The following JAKMIP1 variants were observed in gnomAD, a reference collection of about 807,000 sequenced individuals.
JAKMIP1 encodes janus kinase and microtubule interacting protein 1.
Under a neutral mutation model 113.0 loss-of-function variants are expected in JAKMIP1, and 33 were observed. The observed-to-expected ratio is 0.29, with a 90% CI of 0.22 to 0.39. The LOEUF (loss-of-function observed/expected upper bound fraction) is 0.39, where lower values mean the gene tolerates loss of function less well. Among genes scored for constraint, JAKMIP1 ranks in the 10% least tolerant of loss-of-function variants. JAKMIP1 has a pLI of 1.00. For missense variants in JAKMIP1, 813 were observed against 1,080.5 expected (o/e 0.75, Z 3.47); for synonymous variants, 480 against 459.9 (o/e 1.04, Z -0.56).
rs1008352789 is a variant in JAKMIP1, at chr4:6,181,292, G to A, written c.-148+18961C>T. On this transcript the variant is annotated intron_variant, in intron 1 of 20. Coordinates refer to ENST00000409021, the MANE Select transcript of JAKMIP1 (RefSeq NM_001099433.2). The surrounding 1 kb of genome is among the most constrained non-coding windows in gnomAD (Gnocchi z 5.4). Reference sequence around the variant, plus strand: ...AAGCAGTTCCAGAAAGGGTGGAGGGGAGGGTCATGCTGAGAGAGGAAGAGA... The same window carrying A: ...AAGCAGTTCCAGAAAGGGTGGAGGGAAGGGTCATGCTGAGAGAGGAAGAGA... Among the ~76,000 whole-genome samples the A allele has an allele frequency of 1.3e-5, 2 of 152,212 alleles. No homozygotes were observed. Among genetic ancestry groups the A allele is most frequent in the Non-Finnish European group, 2.9e-5 (2 of 68,038 alleles).
At chr4:6,170,685 TG>T (rs1338577238) in intron 1 of JAKMIP1, among the ~76,000 whole-genome samples, 6 of 144,708 alleles carry the variant, frequency 4.1e-5, no homozygotes, top group African/African-American at 1.6e-4. Flanking sequence ...TCACCTCCAC[TG>T]TCACCCTCCT....
chr4:6,062,136 G>C (rs979975677), intron 10 of JAKMIP1, among the ~76,000 whole-genome samples, 176 bp downstream of exon 10: 1 of 152,228 alleles, frequency 6.6e-6, no homozygotes, highest in African/African-American at 2.4e-5. Flanking sequence ...CCATCACACC[G>C]AGGATGCAGA....
intron 10 of JAKMIP1, among the ~76,000 whole-genome samples, 172 bp downstream of exon 10, chr4:6,062,140 A>T (rs73196073): frequency 6.6e-6 from 1 of 152,382 alleles, no homozygotes; most frequent in Non-Finnish European, 1.5e-5. Flanking sequence ...CACACCGAGG[A>T]TGCAGAGAGG....
intron 13 of JAKMIP1, chr4:6,053,681 G>A: frequency 2.9e-6 from 2 of 693,284 alleles, no homozygotes; most frequent in Non-Finnish European, 3.7e-6. Context: ...TGGGTGTGCA[G>A]AATGCGTACC....
At chr4:6,175,469 C>A (rs1216634326) in intron 1 of JAKMIP1, among the ~76,000 whole-genome samples, 1 of 152,240 alleles carries the variant, frequency 6.6e-6, no homozygotes, top group African/African-American at 2.4e-5. Context: ...ATTTTGTAGA[C>A]AATTTTCAAA....
At chr4:6,126,372 C>CACAAACACACACCATGCAGAAACACTCA (rs1717619492) in intron 1 of JAKMIP1, among the ~76,000 whole-genome samples, 1 of 18,376 alleles carries the variant, frequency 5.4e-5, no homozygotes, top group South Asian at 9.2e-4. Flanking sequence ...CACACACATG[C>CACAAACACACACCATGCAGAAACACTCA]ACAAACACAC....
Position 6,189,891 on chromosome 4 carries a change from G to A in JAKMIP1, c.-148+10362C>T, listed in dbSNP as rs150478356. 5.2e-3 allele frequency among the ~76,000 whole-genome samples: 795 copies of A among 152,110 alleles called. 9 individuals carry two copies. The highest frequency in any genetic ancestry group is 0.018 in the African/African-American group (747 of 41,382). ...AGGCCTGGCTCAGTCGAGAGCAGCC[G>A]GGGGACTGTGTAGCTAGACACAGGC... On this transcript the variant is annotated intron_variant, in intron 1 of 20. Coordinates refer to ENST00000409021, the MANE Select transcript of JAKMIP1 (RefSeq NM_001099433.2).
At chr4:6,100,581 T>C (rs1712837588) in intron 3 of JAKMIP1, among the ~76,000 whole-genome samples, 1 of 152,230 alleles carries the variant, frequency 6.6e-6, no homozygotes, top group Non-Finnish European at 1.5e-5. Context: ...TCATTTCTCT[T>C]GGGTAGATAC....
In JAKMIP1 at chr4:6,044,172, G is replaced by A. The variant is rs773091315; in HGVS notation, c.2029-1945C>T. ...TCAGTCATCTTGTGAATGCCGGGTC[G>A]TAGCACTCACCTGACAGCGCTGTTG... On this transcript the variant is annotated intron_variant, in intron 16 of 20. Coordinates refer to ENST00000409021, the MANE Select transcript of JAKMIP1 (RefSeq NM_001099433.2). This position sits in a 1 kb window ranked among gnomAD's most constrained non-coding sequence, Gnocchi z 4.4. Among the ~76,000 whole-genome samples, 5 of 134,998 alleles carry A rather than the reference G, an allele frequency of 3.7e-5. No homozygotes were observed. The highest frequency in any genetic ancestry group is 7.4e-5 in the African/African-American group (2 of 26,942). The allele number at this position is 134,998 out of a possible 152,430, so 88.6% of individuals were successfully genotyped here.
intron 1 of JAKMIP1, among the ~76,000 whole-genome samples, chr4:6,152,727 A>T (rs1207096280): frequency 6.6e-6 from 1 of 150,976 alleles, no homozygotes; most frequent in Non-Finnish European, 1.5e-5. Flanking sequence ...GGATCACCTG[A>T]GGTCAGGAGT....
rs1039434536 is a variant in JAKMIP1 at position 6,168,081 on chromosome 4, G to A, written c.-148+32172C>T. On this transcript the variant is annotated intron_variant, in intron 1 of 20. Coordinates refer to ENST00000409021, the MANE Select transcript of JAKMIP1 (RefSeq NM_001099433.2). This position sits in a 1 kb window ranked among gnomAD's most constrained non-coding sequence, Gnocchi z 4.6. Reference sequence around the variant, plus strand: ...CCTCAGGGTAATACCAATCAAAACCGCAGTGAGACGGCACCACACACCACC... The same window carrying A: ...CCTCAGGGTAATACCAATCAAAACCACAGTGAGACGGCACCACACACCACC... 6.6e-6 allele frequency among the ~76,000 whole-genome samples: 1 copy of A among 152,146 alleles called. No homozygotes were observed. The highest frequency in any genetic ancestry group is 1.5e-5 in the Non-Finnish European group (1 of 68,022).
At chr4:6,078,891 T>C (rs754413082) in intron 8 of JAKMIP1, 48 bp downstream of exon 8, 8 of 1,601,924 alleles carry the variant, frequency 5.0e-6, no homozygotes, top group Non-Finnish European at 6.0e-6. Flanking sequence ...GCCCTGCAGA[T>C]CCGTGACACA....
At position 6,193,286 on chromosome 4, in the gene JAKMIP1, C is replaced by G. The variant is rs778860853; in HGVS notation, c.-148+6967G>C. Among the ~76,000 whole-genome samples the G allele has an allele frequency of 1.3e-4, 20 of 152,192 alleles. No individual in the cohort carries two copies. The highest frequency in any genetic ancestry group is 2.4e-4 in the Non-Finnish European group (16 of 68,034). On this transcript the variant is annotated intron_variant, in intron 1 of 20. Coordinates refer to ENST00000409021, the MANE Select transcript of JAKMIP1 (RefSeq NM_001099433.2). This position sits in a 1 kb window ranked among gnomAD's most constrained non-coding sequence, Gnocchi z 6.4. ...TCTGTACTTTTGAGGTTTTGGGATT[C>G]AGACTGATCCGCCACTGGTTTCTTT...
At position 6,106,945 on chromosome 4, in the gene JAKMIP1, T is replaced by C. The variant is rs1714058839; in HGVS notation, c.130-978A>G. Among the ~76,000 whole-genome samples, 1 of 152,190 alleles carries C rather than the reference T, an allele frequency of 6.6e-6. No homozygotes were observed. Among genetic ancestry groups the C allele is most frequent in the Non-Finnish European group, 1.5e-5 (1 of 68,034 alleles). On this transcript the variant is annotated intron_variant, in intron 2 of 20. Coordinates refer to ENST00000409021, the MANE Select transcript of JAKMIP1 (RefSeq NM_001099433.2). This position sits in a 1 kb window ranked among gnomAD's most constrained non-coding sequence, Gnocchi z 5.9. Reference sequence around the variant, plus strand: ...CCACACTGTTGATAGCATAGTCACATGTTAAAATTAATTTTAGGTGAGAAG... The same window carrying C: ...CCACACTGTTGATAGCATAGTCACACGTTAAAATTAATTTTAGGTGAGAAG...
intron 13 of JAKMIP1, among the ~76,000 whole-genome samples, chr4:6,052,561 A>T (rs1715789991): frequency 6.8e-6 from 1 of 146,966 alleles, no homozygotes; most frequent in African/African-American, 2.6e-5. Context: ...CCGGAGAATC[A>T]CTCACACTCG....
chr4:6,045,049 G>A (rs549722674), intron 16 of JAKMIP1, among the ~76,000 whole-genome samples: 275 of 152,358 alleles, frequency 1.8e-3, no homozygotes, highest in African/African-American at 5.9e-3. Flanking sequence ...GCCTCCCAGG[G>A]CCCCTCAGGT....
intron 20 of JAKMIP1, among the ~76,000 whole-genome samples, chr4:6,029,505 AT>A (rs1156494047): frequency 6.6e-6 from 1 of 152,180 alleles, no homozygotes; most frequent in Non-Finnish European, 1.5e-5. Context: ...GGCCTGAAGA[AT>A]TTTTGACAGC....
chr4:6,113,704 C>A (rs1267239571), intron 1 of JAKMIP1, among the ~76,000 whole-genome samples: 1 of 152,240 alleles, frequency 6.6e-6, no homozygotes, highest in African/African-American at 2.4e-5. Context: ...CCGCCCCAAG[C>A]TGCCTCGGAA....
Position 6,193,115 on chromosome 4 carries a change from G to T in JAKMIP1, c.-148+7138C>A, listed in dbSNP as rs1455953307. On this transcript the variant is annotated intron_variant, in intron 1 of 20. Transcript: ENST00000409021. The surrounding 1 kb of genome is among the most constrained non-coding windows in gnomAD (Gnocchi z 6.4). ...AAGAGCAAACTTGCTGAGTCTTCTG[G>T]CCCCATCTTTCTCCCATGCTGGATG... Among the ~76,000 whole-genome samples the T allele has an allele frequency of 3.9e-5, 6 of 152,184 alleles. No individual in the cohort carries two copies. Among genetic ancestry groups the T allele is most frequent in the Admixed American group, 6.5e-5 (1 of 15,300 alleles).
Sources: gnomAD v4.1 joint callset for allele counts (sites outside exome capture counted in the v4.1 genomes callset) on GRCh38, gnomAD v4.1.1 for gene constraint, Gnocchi (gnomAD v3.1) non-coding constraint, MANE v1.5 for transcripts, NCBI Gene and HGNC (gene_info 2026-07-23, HGNC 2026-07-21) for gene names.